Variants in ZCCHC24 observed in about 807,000 individuals in gnomAD.
ZCCHC24 encodes the protein zinc finger CCHC domain-containing protein 24.
ZCCHC24 carries 10 observed loss-of-function variants against 26.2 expected under a neutral mutation model. That is an observed-to-expected ratio of 0.38 (90% CI 0.24 to 0.65). The LOEUF (loss-of-function observed/expected upper bound fraction) is 0.65. ZCCHC24 is among the 30% of genes least tolerant of loss of function. The probability of loss-of-function intolerance (pLI) is 0.54; values close to 1 mark genes in which losing one functional copy is unlikely to be tolerated. For synonymous variants in ZCCHC24, 144 were observed against 147.1 expected (o/e 0.98, Z 0.15); for missense variants, 243 against 329.1 (o/e 0.74, Z 2.03).
intron 1 of ZCCHC24, among the ~76,000 whole-genome samples, chr10:79,440,940 C>T (rs960573604): frequency 6.6e-5 from 10 of 152,190 alleles, no homozygotes; most frequent in African/African-American, 2.4e-4. Flanking sequence ...CCTCAGCCAA[C>T]AGCTTCTCAA....
intron 2 of ZCCHC24, among the ~76,000 whole-genome samples, chr10:79,418,143 G>A (rs911520397): frequency 3.9e-5 from 6 of 152,212 alleles, no homozygotes; most frequent in East Asian, 1.9e-4. Context: ...ACCCTCGCTC[G>A]CACACCTCTG....
At chr10:79,397,541 T>C (rs1257737248) in intron 2 of ZCCHC24, among the ~76,000 whole-genome samples, 1 of 152,080 alleles carries the variant, frequency 6.6e-6, no homozygotes, top group Non-Finnish European at 1.5e-5. Context: ...CATCTTCCAT[T>C]ATCTGAAATA....
chr10:79,403,873 G>T lies in ZCCHC24; in HGVS notation c.448-9433C>A, dbSNP rs189963008. Among the ~76,000 whole-genome samples, 982 of 152,148 alleles carry T rather than the reference G, an allele frequency of 6.5e-3. 14 individuals carry two copies. The highest frequency in any genetic ancestry group is 0.027 in the Admixed American group (417 of 15,284). The stretch of plus-strand genomic sequence containing the variant: ...AAGGCCTCAGGAAAACCCTGGGGAG[G>T]GGGGCATGGAGTGGGGGTGTGGAGA... On this transcript the variant is annotated intron_variant, in intron 2 of 3. Transcript: ENST00000372336.
intron 2 of ZCCHC24, among the ~76,000 whole-genome samples, chr10:79,416,427 G>T (rs886754201): frequency 6.6e-6 from 1 of 152,172 alleles, no homozygotes; most frequent in Admixed American, 6.5e-5. Context: ...GCTGCTGGGG[G>T]TGTCCAGGGG....
At chr10:79,429,107 G>A (rs1270746620) in intron 2 of ZCCHC24, among the ~76,000 whole-genome samples, 25 of 152,126 alleles carry the variant, frequency 1.6e-4, no homozygotes, top group Admixed American at 1.6e-3. Flanking sequence ...ATAACAGGAA[G>A]GAACACTTCC....
intron 3 of ZCCHC24, among the ~76,000 whole-genome samples, chr10:79,387,350 C>T (rs1045098167): frequency 6.6e-6 from 1 of 152,150 alleles, no homozygotes; most frequent in African/African-American, 2.4e-5. Flanking sequence ...GTGAACTGGA[C>T]AGCGGAAGGC....
At chr10:79,406,935 C>T (rs76588689) in intron 2 of ZCCHC24, among the ~76,000 whole-genome samples, 3,803 of 152,312 alleles carry the variant, frequency 0.025, 90 homozygotes, top group East Asian at 0.082. Context: ...TTCATACCCA[C>T]CTTTACACAC....
rs752012860 is a variant in ZCCHC24, at chr10:79,386,288, G to A, written c.*57C>T. 10 of 1,530,624 alleles carry A rather than the reference G, an allele frequency of 6.5e-6. No individual in the cohort carries two copies. The East Asian group carries it at 6.9e-5, about 11-fold the overall frequency. The allele number at this position is 1,530,624 out of a possible 1,614,324, so 94.8% of individuals were successfully genotyped here. A position where few individuals can be genotyped will look rare whatever the true frequency, so the allele number is the denominator to read the frequency against. On this transcript the variant is annotated 3_prime_UTR_variant, in exon 4 of 4. Coordinates refer to ENST00000372336, the MANE Select transcript of ZCCHC24 (RefSeq NM_153367.4). ...ACGCAGCCCCTCGGAGTAGCACAGG[G>A]AAGCAGCGTCTCCTCGGGCTGGCGG... is the stretch of plus-strand genomic sequence containing the variant.
chr10:79,428,089 T>A (rs1857058422), intron 2 of ZCCHC24, among the ~76,000 whole-genome samples: 1 of 152,222 alleles, frequency 6.6e-6, no homozygotes, highest in South Asian at 2.1e-4. Flanking sequence ...AGCAGCAGTA[T>A]TCACAATAAC....
intron 3 of ZCCHC24, among the ~76,000 whole-genome samples, chr10:79,387,809 A>G (rs1856420655): frequency 1.3e-5 from 2 of 152,240 alleles, no homozygotes. Context: ...TGGAAGAGTC[A>G]GAAGGTTCTA....
At chr10:79,427,547 G>A (rs1182797680) in intron 2 of ZCCHC24, among the ~76,000 whole-genome samples, 3 of 151,574 alleles carry the variant, frequency 2.0e-5, no homozygotes, top group South Asian at 2.1e-4. Context: ...TGGGAAACAC[G>A]CAAATATGTG....
chr10:79,422,635 G>C (rs1856962388), intron 2 of ZCCHC24, among the ~76,000 whole-genome samples: 1 of 152,104 alleles, frequency 6.6e-6, no homozygotes, highest in African/African-American at 2.4e-5. Context: ...CAAGAAACCC[G>C]AGCTGCCAGA....
chr10:79,438,273 A>G (rs200405816), intron 1 of ZCCHC24, among the ~76,000 whole-genome samples: 1 of 152,154 alleles, frequency 6.6e-6, no homozygotes, highest in Admixed American at 6.5e-5. Flanking sequence ...ACAAGAGATC[A>G]TTCATCTCGC....
rs1430544051 is a variant in ZCCHC24 at position 79,385,350 on chromosome 10, A to G, written c.*995T>C. The G allele has an allele frequency of 6.6e-6, 1 of 152,270 alleles. No individual in the cohort carries two copies. The highest frequency in any genetic ancestry group is 1.5e-5 in the Non-Finnish European group (1 of 68,070). 9.4% of individuals were successfully genotyped at this position (152,270 alleles called of 1,614,324 possible). ...CTGAATCCCAGAACAACAGAGCTGAAATGGGCCCTCTGCTCTCTAGTGTTA... is the reference window on the plus strand; with the variant it reads ...CTGAATCCCAGAACAACAGAGCTGAGATGGGCCCTCTGCTCTCTAGTGTTA... On this transcript the variant is annotated 3_prime_UTR_variant, in exon 4 of 4. Coordinates refer to ENST00000372336, the MANE Select transcript of ZCCHC24 (RefSeq NM_153367.4). The surrounding 1 kb of genome is among the most constrained non-coding windows in gnomAD (Gnocchi z 4.3).
chr10:79,427,842 G>A (rs780641974), intron 2 of ZCCHC24, among the ~76,000 whole-genome samples: 1 of 152,058 alleles, frequency 6.6e-6, no homozygotes, highest in African/African-American at 2.4e-5. Context: ...TCACAGCACC[G>A]CACTCCAGCC....
In ZCCHC24 at chr10:79,445,180, C is replaced by T. The variant is rs185495083; in HGVS notation, c.246+15G>A. 6.9e-4 allele frequency: 871 copies of T among 1,269,808 alleles called. 7 individuals are homozygous for T. In the African/African-American group the frequency reaches 0.013, roughly 19 times the overall value. The allele number at this position is 1,269,808 out of a possible 1,614,324, so 78.7% of individuals were successfully genotyped here. A position where few individuals can be genotyped will look rare whatever the true frequency, so the allele number is the denominator to read the frequency against. The stretch of plus-strand genomic sequence containing the variant: ...GGCGGTGGGGCGGTGGGCGGGGGCG[C>T]GCGGGGGCACCCACCTCTCCGCGCT... On this transcript the variant is annotated intron_variant, in intron 1 of 3. Transcript: ENST00000372336.
At chr10:79,396,633 T>C (rs1236165269) in intron 2 of ZCCHC24, among the ~76,000 whole-genome samples, 2 of 152,186 alleles carry the variant, frequency 1.3e-5, no homozygotes, top group East Asian at 3.8e-4. Context: ...TTGTTAGAAA[T>C]GTAGAGTCTG....
chr10:79,394,405 C>T lies in ZCCHC24; in HGVS notation c.483G>A (p.Gln161=). 1 of 1,614,222 alleles carries T rather than the reference C, an allele frequency of 6.2e-7. No homozygotes were observed. The highest frequency in any genetic ancestry group is 8.5e-7 in the Non-Finnish European group (1 of 1,180,030). The part of the protein sequence containing the change: ...RPKGEGLTPY[Q]GKKRCFGEYK... ...ACTCGCCGAAGCAGCGCTTTTTGCC[C>T]TGGTATGGAGTCAGGCCCTCGCCTT... The change falls in exon 3 of 4, where the codon CAG becomes CAA. Residue 161 remains glutamine (Q), a synonymous_variant. Coordinates refer to ENST00000372336, the MANE Select transcript of ZCCHC24 (RefSeq NM_153367.4).
At chr10:79,388,562 A>G (rs1225133121) in intron 3 of ZCCHC24, among the ~76,000 whole-genome samples, 2 of 152,182 alleles carry the variant, frequency 1.3e-5, no homozygotes, top group African/African-American at 4.8e-5. Context: ...GGACGGTCTG[A>G]TCAGTACAGT....
Sources: gnomAD v4.1 joint callset for allele counts (sites outside exome capture counted in the v4.1 genomes callset) on GRCh38, gnomAD v4.1.1 for gene constraint, Gnocchi (gnomAD v3.1) non-coding constraint, MANE v1.5 for transcripts, NCBI Gene and HGNC (gene_info 2026-07-23, HGNC 2026-07-21) for gene names.